XKR6: variants seen among roughly 807,000 people sequenced by gnomAD.
XKR6 encodes XK-related protein 6.
A neutral mutation model predicts 56.7 loss-of-function variants in XKR6; 22 were observed. The ratio of observed to expected loss-of-function variants is 0.39; its 90% CI spans 0.28 to 0.55. The LOEUF is 0.55. Among genes scored for constraint, XKR6 ranks in the 20% least tolerant of loss-of-function variants. The probability of loss-of-function intolerance (pLI) is 0.66; values close to 1 mark genes in which losing one functional copy is unlikely to be tolerated. For missense variants in XKR6, 852 were observed against 889.0 expected (o/e 0.96, Z 0.53); for synonymous variants, 524 against 387.8 (o/e 1.35, Z -4.13).
At chr8:11,013,077 G>C (rs1447206203) in intron 1 of XKR6, among the ~76,000 whole-genome samples, 1 of 152,192 alleles carries the variant, frequency 6.6e-6, no homozygotes. Flanking sequence ...TCACACAGCA[G>C]GTTGGGTGCC....
chr8:11,087,707 T>A lies in XKR6; in HGVS notation c.764+112869A>T, dbSNP rs190853722. ...CCAATGTCATCTCTGAGCTACTGAA[T>A]TAGCTAATCCTAGAGTCACATATCC... On this transcript the variant is annotated intron_variant, in intron 1 of 2. Transcript: ENST00000416569. Among the ~76,000 whole-genome samples the A allele has an allele frequency of 2.6e-5, 4 of 152,280 alleles. No homozygotes were observed. In the East Asian group the frequency reaches 7.7e-4, roughly 29 times the overall value.
At chr8:11,079,606 G>A (rs1373978489) in intron 1 of XKR6, among the ~76,000 whole-genome samples, 4 of 152,174 alleles carry the variant, frequency 2.6e-5, no homozygotes, top group Non-Finnish European at 4.4e-5. Context: ...AAAGAATATT[G>A]GTTTCACTTT....
chr8:10,976,489 C>T (rs1422041029), intron 1 of XKR6, among the ~76,000 whole-genome samples: 2 of 152,232 alleles, frequency 1.3e-5, no homozygotes, highest in South Asian at 2.1e-4. Flanking sequence ...AGGTGCCTGT[C>T]CCTCTGCGCC....
intron 1 of XKR6, among the ~76,000 whole-genome samples, chr8:11,018,401 AC>A (rs1798674700): frequency 6.6e-6 from 1 of 152,216 alleles, no homozygotes; most frequent in Non-Finnish European, 1.5e-5. Context: ...CCTCCCCTGC[AC>A]AAACTCAGGA....
chr8:11,173,701 C>G (rs1230119974), intron 1 of XKR6, among the ~76,000 whole-genome samples: 1 of 152,080 alleles, frequency 6.6e-6, no homozygotes, highest in Admixed American at 6.6e-5. Context: ...CCAATTACAC[C>G]TGGACAGCAA....
intron 1 of XKR6, among the ~76,000 whole-genome samples, chr8:10,932,455 AG>A (rs1338482812): frequency 2.7e-5 from 4 of 147,094 alleles, no homozygotes; most frequent in Admixed American, 6.7e-5. Context: ...TTTAAATTTT[AG>A]GGTACATGTG....
intron 1 of XKR6, among the ~76,000 whole-genome samples, chr8:11,010,389 G>C (rs555087063): frequency 1.3e-5 from 2 of 152,260 alleles, no homozygotes; most frequent in African/African-American, 4.8e-5. Flanking sequence ...ACTGGTCCCA[G>C]GCACTTATTA....
At chr8:11,084,090 C>A (rs1165257435) in intron 1 of XKR6, among the ~76,000 whole-genome samples, 2 of 152,264 alleles carry the variant, frequency 1.3e-5, no homozygotes, top group Non-Finnish European at 2.9e-5. Flanking sequence ...TGGATACTTT[C>A]CTCTAAGCCT....
intron 1 of XKR6, among the ~76,000 whole-genome samples, chr8:11,069,400 A>G (rs1385557337): frequency 2.0e-5 from 3 of 151,892 alleles, no homozygotes; most frequent in Non-Finnish European, 2.9e-5. Context: ...CACCCACAGT[A>G]TCTCTCCCGC....
intron 1 of XKR6, among the ~76,000 whole-genome samples, chr8:11,154,789 CTT>C (rs1246023700): frequency 2.0e-5 from 3 of 152,178 alleles, no homozygotes; most frequent in African/African-American, 7.2e-5. Context: ...CCCTTCAACT[CTT>C]TTAAGAGAAA....
chr8:11,077,143 C>T (rs187112904), intron 1 of XKR6, among the ~76,000 whole-genome samples: 1 of 152,254 alleles, frequency 6.6e-6, no homozygotes, highest in Non-Finnish European at 1.5e-5. Context: ...CACCACTGCC[C>T]TCCAGCCTGG....
At chr8:11,150,803 A>T (rs1030114231) in intron 1 of XKR6, among the ~76,000 whole-genome samples, 1 of 150,418 alleles carries the variant, frequency 6.6e-6, no homozygotes, top group Non-Finnish European at 1.5e-5. Flanking sequence ...CAGTGAACCA[A>T]GATCAGGCCA....
rs556895079 is a variant in XKR6 at position 10,942,678 on chromosome 8, A to G, written c.765-17848T>C. Among the ~76,000 whole-genome samples, 31 of 152,260 alleles carry G rather than the reference A, an allele frequency of 2.0e-4. No homozygotes were observed. In the South Asian group the frequency reaches 2.5e-3, roughly 12 times the overall value. ...CCAAATTCAGCGCCACGCTGCCCCC[A>G]TTATTGAGAACAGGGCTAAGCTAGT... On this transcript the variant is annotated intron_variant, in intron 1 of 2. Coordinates refer to ENST00000416569, the MANE Select transcript of XKR6 (RefSeq NM_173683.4).
At chr8:11,061,074 C>G (rs1481637019) in intron 1 of XKR6, among the ~76,000 whole-genome samples, 1 of 152,212 alleles carries the variant, frequency 6.6e-6, no homozygotes, top group African/African-American at 2.4e-5. Flanking sequence ...TCTGCCAGCT[C>G]TGGATGAAAC....
At chr8:11,135,391 T>C (rs1014572449) in intron 1 of XKR6, among the ~76,000 whole-genome samples, 9 of 152,158 alleles carry the variant, frequency 5.9e-5, no homozygotes, top group Non-Finnish European at 1.3e-4. Flanking sequence ...TAATTTAGAA[T>C]CTACCCCAGG....
rs544470681 is a variant in XKR6, at chr8:11,180,395, G to A, written c.764+20181C>T. ...TTCTTTGTGGTGAGAGCCTCTCCTTGTATCATAGTAAGTTTAGTATCACCC... is the reference window on the plus strand; with the variant it reads ...TTCTTTGTGGTGAGAGCCTCTCCTTATATCATAGTAAGTTTAGTATCACCC... On this transcript the variant is annotated intron_variant, in intron 1 of 2. Coordinates refer to ENST00000416569, the MANE Select transcript of XKR6 (RefSeq NM_173683.4). 4.0e-3 allele frequency among the ~76,000 whole-genome samples: 614 copies of A among 152,288 alleles called. 5 individuals are homozygous for A. The highest frequency in any genetic ancestry group is 5.5e-3 in the Non-Finnish European group (373 of 68,020).
At chr8:10,970,021 C>T (rs1438162688) in intron 1 of XKR6, among the ~76,000 whole-genome samples, 5 of 152,188 alleles carry the variant, frequency 3.3e-5, no homozygotes, top group African/African-American at 4.8e-5. Context: ...GGTGATAAGT[C>T]GGAGCCCCAA....
intron 1 of XKR6, among the ~76,000 whole-genome samples, chr8:11,074,508 C>T (rs1385883983): frequency 2.0e-5 from 3 of 152,116 alleles, no homozygotes; most frequent in Non-Finnish European, 1.5e-5. Flanking sequence ...GACACTATGC[C>T]GAATGTGGCA....
At chr8:10,961,116 G>C (rs974395894) in intron 1 of XKR6, among the ~76,000 whole-genome samples, 27 of 152,316 alleles carry the variant, frequency 1.8e-4, no homozygotes, top group African/African-American at 6.0e-4. Context: ...GAGGCAGAGA[G>C]AGGGTGGAGG....
Sources: gnomAD v4.1 joint callset for allele counts (sites outside exome capture counted in the v4.1 genomes callset) on GRCh38, gnomAD v4.1.1 for gene constraint, MANE v1.5 for transcripts, NCBI Gene and HGNC (gene_info 2026-07-23, HGNC 2026-07-21) for gene names.